Variants in GPM6A observed in about 807,000 individuals in gnomAD.
GPM6A encodes glycoprotein M6A.
Under a neutral mutation model 32.1 loss-of-function variants are expected in GPM6A, and 7 were observed. That is an observed-to-expected ratio of 0.22 (90% confidence interval 0.12 to 0.41). The LOEUF (loss-of-function observed/expected upper bound fraction) is 0.41, where lower values mean the gene tolerates loss of function less well. Ranked by LOEUF, GPM6A falls within the 10% of genes least tolerant of loss-of-function variation. The pLI is 1.00. For synonymous variants in GPM6A, 130 were observed against 123.4 expected (o/e 1.05, Z -0.35); for missense variants, 235 against 347.2 (o/e 0.68, Z 2.57).
chr4:175,748,850 G>A lies in GPM6A; in HGVS notation c.38-47083C>T, dbSNP rs572382642. Among the ~76,000 whole-genome samples the A allele has an allele frequency of 3.9e-5, 6 of 152,252 alleles. No individual in the cohort carries two copies. The East Asian group carries it at 1.2e-3, about 29-fold the overall frequency. On this transcript the variant is annotated intron_variant, in intron 1 of 6. Coordinates refer to ENST00000393658, the MANE Select transcript of GPM6A (RefSeq NM_201591.3). ...TATTGAAAATCTCTTGTTTAGTGTA[G>A]CCACCTCCATCAATGTTCTTAGCTA...
chr4:175,930,978 C>T (rs918027287), intron 1 of GPM6A, among the ~76,000 whole-genome samples: 6 of 152,090 alleles, frequency 3.9e-5, no homozygotes, highest in Non-Finnish European at 5.9e-5. Flanking sequence ...GCATTTAGCT[C>T]TTCCTAGCAA....
chr4:175,981,080 A>G (rs17062345), intron 1 of GPM6A, among the ~76,000 whole-genome samples: 20,419 of 152,162 alleles, frequency 0.13, 1,467 homozygotes, highest in East Asian at 0.24. Flanking sequence ...TGAAGCAGGA[A>G]TAGGGAAAGT....
At chr4:175,696,855 C>T (rs570486609) in intron 2 of GPM6A, among the ~76,000 whole-genome samples, 11 of 152,152 alleles carry the variant, frequency 7.2e-5, no homozygotes, top group Admixed American at 2.6e-4. Context: ...AAGGAGTAAA[C>T]GTAAACTACA....
chr4:175,992,505 G>A (rs868318654), intron 1 of GPM6A, among the ~76,000 whole-genome samples: 6 of 152,138 alleles, frequency 3.9e-5, no homozygotes, highest in Admixed American at 1.3e-4. Context: ...AGGATGTGGG[G>A]CTCAATACAA....
intron 1 of GPM6A, among the ~76,000 whole-genome samples, chr4:175,809,500 C>A (rs1434088905): frequency 6.6e-6 from 1 of 151,804 alleles, no homozygotes. Flanking sequence ...ATACTAGATT[C>A]CCCTCAGCAT....
chr4:175,853,074 T>C (rs1736308800), intron 1 of GPM6A, among the ~76,000 whole-genome samples: 1 of 152,132 alleles, frequency 6.6e-6, no homozygotes, highest in Non-Finnish European at 1.5e-5. Context: ...AAAAACCTGA[T>C]TATACAGGAC....
intron 1 of GPM6A, among the ~76,000 whole-genome samples, chr4:175,990,693 A>C (rs144573720): frequency 3.5e-4 from 53 of 151,896 alleles, no homozygotes; most frequent in Admixed American, 1.6e-3. Flanking sequence ...ACAAACAAAA[A>C]TTCTCCCACA....
Position 175,690,342 on chromosome 4 carries a change from C to G in GPM6A, c.230+11233G>C, listed in dbSNP as rs149586732. On this transcript the variant is annotated intron_variant, in intron 2 of 6. Coordinates refer to ENST00000393658, the MANE Select transcript of GPM6A (RefSeq NM_201591.3). ...TTAACTCAAACACTCTGTAAAAATA[C>G]CTGGCAGGAAATGCTGCAATAAATT... Among the ~76,000 whole-genome samples, 100 of 152,264 alleles carry G rather than the reference C, an allele frequency of 6.6e-4. 1 individual carries two copies. The East Asian group carries it at 0.013, about 19-fold the overall frequency.
intron 1 of GPM6A, among the ~76,000 whole-genome samples, chr4:175,820,663 C>A (rs949798617): frequency 3.3e-5 from 5 of 151,904 alleles, no homozygotes; most frequent in African/African-American, 9.7e-5. Flanking sequence ...CCACGCCCAG[C>A]TAATTTTTAT....
chr4:175,974,560 T>C (rs1740604389), intron 1 of GPM6A, among the ~76,000 whole-genome samples: 1 of 141,488 alleles, frequency 7.1e-6, no homozygotes, highest in African/African-American at 3.0e-5. Flanking sequence ...ATGTCAACTG[T>C]CTGTTTAAAA....
intron 3 of GPM6A, among the ~76,000 whole-genome samples, chr4:175,664,396 G>A (rs911680010): frequency 2.6e-5 from 4 of 152,162 alleles, no homozygotes; most frequent in African/African-American, 4.8e-5. Flanking sequence ...TACCACTCTG[G>A]TGAGGGATTT....
chr4:175,786,678 G>C (rs1328005841), intron 1 of GPM6A, among the ~76,000 whole-genome samples: 3 of 151,972 alleles, frequency 2.0e-5, no homozygotes, highest in Non-Finnish European at 2.9e-5. Context: ...TGCCTTATCA[G>C]TTCTTCTTGT....
chr4:175,733,259 T>G (rs1234622337), intron 1 of GPM6A, among the ~76,000 whole-genome samples: 2 of 152,124 alleles, frequency 1.3e-5, no homozygotes, highest in Admixed American at 6.5e-5. Context: ...ATCCCAGCAC[T>G]TCGGGAGGCT....
At chr4:175,882,911 T>C (rs1737327433) in intron 1 of GPM6A, among the ~76,000 whole-genome samples, 1 of 151,928 alleles carries the variant, frequency 6.6e-6, no homozygotes, top group African/African-American at 2.4e-5. Context: ...CTGATAGAAA[T>C]TCACCAAGCA....
At chr4:175,915,107 A>G (rs7688035) in intron 1 of GPM6A, among the ~76,000 whole-genome samples, 14,614 of 152,218 alleles carry the variant, frequency 0.096, 1,249 homozygotes, top group African/African-American at 0.22. Flanking sequence ...GTATTGAGTA[A>G]AGAAAGCTTA....
rs188733896 is a variant in GPM6A, at chr4:175,953,691, C to T, written c.-23+48618G>A. On this transcript the variant is annotated intron_variant, in intron 1 of 7. Coordinates refer to the GPM6A transcript ENST00000280187. Reference sequence around the variant, plus strand: ...CCGAGGTGGGCGGATCACCTAAGGTCGGGATCGAGACCAGCCTGACCAACA... The same window carrying T: ...CCGAGGTGGGCGGATCACCTAAGGTTGGGATCGAGACCAGCCTGACCAACA... 5.0e-3 allele frequency among the ~76,000 whole-genome samples: 760 copies of T among 152,060 alleles called. 3 individuals carry two copies. Among genetic ancestry groups the T allele is most frequent in the South Asian group, 0.012 (59 of 4,816 alleles).
Position 175,748,448 on chromosome 4 carries a change from A to G in GPM6A, c.38-46681T>C, listed in dbSNP as rs1826762. ...GGCATGAAAACATTAATTGCCTTGT[A>G]CTTCTCCCTCAGAGCACTCGGGTGA... On this transcript the variant is annotated intron_variant, in intron 1 of 6. Coordinates refer to ENST00000393658, the MANE Select transcript of GPM6A (RefSeq NM_201591.3). Among the ~76,000 whole-genome samples, 658 of 152,330 alleles carry G rather than the reference A, an allele frequency of 4.3e-3. 2 individuals carry two copies. Among genetic ancestry groups the G allele is most frequent in the African/African-American group, 0.015 (632 of 41,588 alleles).
chr4:175,727,678 T>C (rs1186796036), intron 1 of GPM6A, among the ~76,000 whole-genome samples: 1 of 152,190 alleles, frequency 6.6e-6, no homozygotes, highest in Admixed American at 6.5e-5. Context: ...TCCATTCATT[T>C]ATTCCACTAA....
At chr4:175,970,910 T>G (rs925797942) in intron 1 of GPM6A, 3 of 456,138 alleles carry the variant, frequency 6.6e-6, no homozygotes, top group South Asian at 3.1e-5. Context: ...AGACCCTTTT[T>G]TTTCCCAACT....
Sources: gnomAD v4.1 joint callset for allele counts (sites outside exome capture counted in the v4.1 genomes callset) on GRCh38, gnomAD v4.1.1 for gene constraint, MANE v1.5 for transcripts, NCBI Gene and HGNC (gene_info 2026-07-23, HGNC 2026-07-21) for gene names.